The following DOCK7 variants were observed in gnomAD, a reference collection of about 807,000 sequenced individuals.
The protein encoded by DOCK7 is dedicator of cytokinesis protein 7.
Under a neutral mutation model 271.0 loss-of-function variants are expected in DOCK7, and 138 were observed. The observed-to-expected ratio is 0.51, with a 90% CI of 0.44 to 0.59. The LOEUF (loss-of-function observed/expected upper bound fraction) is 0.59. Ranked by LOEUF, DOCK7 falls within the 20% of genes least tolerant of loss-of-function variation. The pLI is 0.00. For missense variants in DOCK7, 2,066 were observed against 2,592.4 expected (o/e 0.80, Z 4.41); for synonymous variants, 823 against 876.1 (o/e 0.94, Z 1.07).
intron 14 of DOCK7, chr1:62,608,567 G>T (rs892249741): frequency 2.0e-5 from 3 of 152,188 alleles, no homozygotes; most frequent in Admixed American, 6.5e-5. Flanking sequence ...AAAATACACA[G>T]AATATGGCAA....
At chr1:62,476,377 T>G (rs988189378) in intron 44 of DOCK7, among the ~76,000 whole-genome samples, 2 of 151,890 alleles carry the variant, frequency 1.3e-5, no homozygotes, top group Non-Finnish European at 2.9e-5. Flanking sequence ...TCCACAAACT[T>G]TAAATAACAC....
At chr1:62,544,654 T>C (rs995654738) in intron 23 of DOCK7, among the ~76,000 whole-genome samples, 2 of 152,062 alleles carry the variant, frequency 1.3e-5, no homozygotes, top group East Asian at 3.8e-4. Context: ...GTGCTACCCC[T>C]AAAGAAGAAA....
intron 34 of DOCK7, among the ~76,000 whole-genome samples, chr1:62,510,196 GT>G (rs1644442788): frequency 6.6e-6 from 1 of 152,100 alleles, no homozygotes; most frequent in African/African-American, 2.4e-5. Flanking sequence ...GACCTGTATT[GT>G]TTTGTCTTTC....
At position 62,636,613 on chromosome 1, in the gene DOCK7, G is replaced by C. The variant is rs942634108; in HGVS notation, c.819-10C>G. On this transcript the variant is annotated splice_polypyrimidine_tract_variant and intron_variant, in intron 7 of 49. Coordinates refer to ENST00000635253, the MANE Select transcript of DOCK7 (RefSeq NM_001367561.1). ...AATTTCAATTTCAAACCTTTATGAAGAAAAAGGATAAAATAATTTAAAGAT... is the reference window on the plus strand; with the variant it reads ...AATTTCAATTTCAAACCTTTATGAACAAAAAGGATAAAATAATTTAAAGAT... 5.1e-6 allele frequency: 8 copies of C among 1,561,552 alleles called. No homozygotes were observed. The highest frequency in any genetic ancestry group is 7.0e-6 in the Non-Finnish European group (8 of 1,147,516).
intron 15 of DOCK7, among the ~76,000 whole-genome samples, chr1:62,586,287 C>A (rs1467583175): frequency 6.6e-6 from 1 of 152,044 alleles, no homozygotes; most frequent in Non-Finnish European, 1.5e-5. Context: ...AAGTCTTATT[C>A]ATCTTTGTAT....
At chr1:62,484,366 T>TG (rs1646230585) in intron 43 of DOCK7, 1 of 152,070 alleles carries the variant, frequency 6.6e-6, no homozygotes, top group African/African-American at 2.4e-5. Context: ...GATCTTTGAA[T>TG]GGAAAAAAAA....
chr1:62,688,314 C>A lies in DOCK7; in HGVS notation c.-50G>T. 1.7e-6 allele frequency: 2 copies of A among 1,165,318 alleles called. No individual in the cohort carries two copies. The highest frequency in any genetic ancestry group is 2.1e-6 in the Non-Finnish European group (2 of 936,620). The allele number at this position is 1,165,318 out of a possible 1,614,324, so 72.2% of individuals were successfully genotyped here. On this transcript the variant is annotated 5_prime_UTR_variant, in exon 1 of 50. Transcript: ENST00000635253. ...GGCGGCGGCTGCGGCGGGCCGGGTG[C>A]GGACCGGCGGGCGCGTGCCTCCTCG...
At chr1:62,568,299 A>G (rs1352066358) in intron 18 of DOCK7, among the ~76,000 whole-genome samples, 1 of 151,824 alleles carries the variant, frequency 6.6e-6, no homozygotes, top group African/African-American at 2.4e-5. Context: ...TTAAAAAGCT[A>G]GAAAGATTTT....
At chr1:62,577,406 C>A in intron 17 of DOCK7, 43 bp from the exon 18 acceptor site, 1 of 1,458,682 alleles carries the variant, frequency 6.9e-7, no homozygotes, top group South Asian at 1.3e-5. Flanking sequence ...AATATGCTTG[C>A]TATAAAAATA....
chr1:62,502,127 A>G (rs958025025), intron 37 of DOCK7, among the ~76,000 whole-genome samples: 2 of 152,100 alleles, frequency 1.3e-5, no homozygotes, highest in Non-Finnish European at 2.9e-5. Context: ...TCATTCAGAT[A>G]TTGTTGACTT....
At chr1:62,457,832 T>C (rs1322003010) in intron 48 of DOCK7, 127 bp from the exon 49 acceptor site, 2 of 885,590 alleles carry the variant, frequency 2.3e-6, no homozygotes, top group Non-Finnish European at 3.5e-6. Flanking sequence ...ACTATATATG[T>C]GGGCCTAATC....
At chr1:62,541,855 CT>C (rs752570321) in intron 25 of DOCK7, among the ~76,000 whole-genome samples, 50 of 152,102 alleles carry the variant, frequency 3.3e-4, no homozygotes, top group Non-Finnish European at 5.4e-4. Context: ...AAAAGTGTCA[CT>C]TATTTGATTA....
intron 29 of DOCK7, among the ~76,000 whole-genome samples, chr1:62,532,727 G>A (rs1011342447): frequency 1.3e-5 from 2 of 152,180 alleles, no homozygotes; most frequent in Non-Finnish European, 2.9e-5. Flanking sequence ...AGCAAGAAAT[G>A]ACTATGTGAA....
At chr1:62,602,250 T>C in intron 14 of DOCK7, 1 of 1,510,612 alleles carries the variant, frequency 6.6e-7, no homozygotes, top group South Asian at 1.1e-5. Context: ...AACATAAATC[T>C]ACTAAAAATA....
chr1:62,553,420 G>T (rs1646024482), intron 21 of DOCK7, among the ~76,000 whole-genome samples: 1 of 125,824 alleles, frequency 7.9e-6, no homozygotes, highest in African/African-American at 3.1e-5. Flanking sequence ...TTATTAAGAG[G>T]CAGCACTGGA....
At chr1:62,589,487 C>A (rs1296428185) in intron 14 of DOCK7, among the ~76,000 whole-genome samples, 2 of 151,638 alleles carry the variant, frequency 1.3e-5, no homozygotes, top group Non-Finnish European at 2.9e-5. Context: ...TTTCCCCCGA[C>A]CTGGAGTCAG....
chr1:62,584,561 C>T, intron 15 of DOCK7: 1 of 1,178,526 alleles, frequency 8.5e-7, no homozygotes, highest in Non-Finnish European at 1.1e-6. Flanking sequence ...TATCACTTTT[C>T]ACAAAATAAC....
At chr1:62,501,646 T>A (rs1019062524) in intron 37 of DOCK7, among the ~76,000 whole-genome samples, 1 of 152,126 alleles carries the variant, frequency 6.6e-6, no homozygotes, top group Admixed American at 6.5e-5. Context: ...GTCCCCCTAA[T>A]AAATCTTTTT....
Position 62,688,289 on chromosome 1 carries a change from G to GGCGGCGGCT in DOCK7, c.-34_-26dup, listed in dbSNP as rs781084014. On this transcript the variant is annotated 5_prime_UTR_variant, in exon 1 of 50. Transcript: ENST00000635253. ...TGGCTGCTGCGGCGACGGCGACGGC[G>GGCGGCGGCT]GCGGCGGCTGCGGCGGGCCGGGTGC... The GGCGGCGGCT allele has an allele frequency of 1.8e-5, 22 of 1,255,210 alleles. No individual in the cohort carries two copies. The highest frequency in any genetic ancestry group is 4.0e-5 in the Admixed American group (1 of 24,932). 77.8% of individuals were successfully genotyped at this position (1,255,210 alleles called of 1,614,324 possible).
Sources: allele counts gnomAD v4.1 joint callset (sites outside exome capture counted in the v4.1 genomes callset), GRCh38; gene constraint gnomAD v4.1.1; transcripts MANE v1.5; gene names NCBI Gene and HGNC (gene_info 2026-07-23, HGNC 2026-07-21).